CSMD2: variants seen among roughly 807,000 people sequenced by gnomAD.
CSMD2 encodes the protein CUB and Sushi multiple domains 2.
CSMD2 carries 130 observed loss-of-function variants against 398.5 expected under a neutral mutation model. The ratio of observed to expected loss-of-function variants is 0.33; its 90% CI spans 0.28 to 0.38. The LOEUF is 0.38. CSMD2 is among the 10% of genes least tolerant of loss of function. The pLI is 1.00. For synonymous variants in CSMD2, 1,828 were observed against 1,908.5 expected (o/e 0.96, Z 1.10); for missense variants, 3,829 against 4,764.9 (o/e 0.80, Z 5.78).
intron 12 of CSMD2, among the ~76,000 whole-genome samples, chr1:33,782,792 G>T (rs1321260677): frequency 6.6e-6 from 1 of 152,218 alleles, no homozygotes; most frequent in Non-Finnish European, 1.5e-5. Flanking sequence ...GTAGAAACCA[G>T]AACTTGGTGG....
chr1:34,073,867 G>A (rs1340627249), intron 2 of CSMD2, among the ~76,000 whole-genome samples: 2 of 152,202 alleles, frequency 1.3e-5, no homozygotes, highest in African/African-American at 4.8e-5. Context: ...CAGTCCCACT[G>A]GCTGCACAGG....
chr1:33,582,948 G>A (rs1263792671), intron 47 of CSMD2, among the ~76,000 whole-genome samples: 1 of 152,168 alleles, frequency 6.6e-6, no homozygotes, highest in African/African-American at 2.4e-5. Flanking sequence ...ATTCACATGA[G>A]GTAGACAACA....
intron 14 of CSMD2, among the ~76,000 whole-genome samples, chr1:33,739,743 A>G (rs1646996355): frequency 6.6e-6 from 1 of 152,154 alleles, no homozygotes; most frequent in Admixed American, 6.5e-5. Flanking sequence ...CCCTAACTTC[A>G]GACAGTTATG....
chr1:33,569,592 G>A, intron 51 of CSMD2, 45 bp from the exon 52 acceptor site: 1 of 1,583,834 alleles, frequency 6.3e-7, no homozygotes, highest in Non-Finnish European at 8.6e-7. Context: ...CCAAGAGGAG[G>A]GACATGGCTG....
chr1:33,807,843 AT>A (rs976339180), intron 10 of CSMD2, among the ~76,000 whole-genome samples: 1 of 152,152 alleles, frequency 6.6e-6, no homozygotes, highest in African/African-American at 2.4e-5. Flanking sequence ...TAAAAGACAA[AT>A]GGTCAGAGGG....
In CSMD2 at chr1:33,533,683, G is replaced by C. The variant is rs924184537; in HGVS notation, c.9991+113C>G. 1 of 686,946 alleles carries C rather than the reference G, an allele frequency of 1.5e-6. No individual in the cohort carries two copies. The allele number at this position is 686,946 out of a possible 1,614,324, so 42.6% of individuals were successfully genotyped here. A position where few individuals can be genotyped will look rare whatever the true frequency, so the allele number is the denominator to read the frequency against. ...TAAGGACTACAAAGAGACCGATGTC[G>C]GTTCGCATGGGGAGTTGTGAACTCC... On this transcript the variant is annotated intron_variant, in intron 63 of 70. Coordinates refer to ENST00000373381, the MANE Select transcript of CSMD2 (RefSeq NM_001281956.2). The surrounding 1 kb of genome is among the most constrained non-coding windows in gnomAD (Gnocchi z 4.2).
chr1:33,603,263 G>A (rs1318336642), intron 42 of CSMD2, among the ~76,000 whole-genome samples: 1 of 152,152 alleles, frequency 6.6e-6, no homozygotes, highest in African/African-American at 2.4e-5. Context: ...TTCCCCAAAA[G>A]CAATACTCAA....
At chr1:33,964,354 G>A (rs948582579) in intron 3 of CSMD2, among the ~76,000 whole-genome samples, 1 of 152,176 alleles carries the variant, frequency 6.6e-6, no homozygotes, top group Non-Finnish European at 1.5e-5. Context: ...ATCAGCCCCT[G>A]GCACATGATC....
chr1:33,523,346 C>G lies in CSMD2; in HGVS notation c.10470G>C (p.Met3490Ile), dbSNP rs1207178180. 6.2e-7 allele frequency: 1 copy of G among 1,600,036 alleles called. No homozygotes were observed. Among genetic ancestry groups the G allele is most frequent in the East Asian group, 2.2e-5 (1 of 44,798 alleles). The change falls in exon 67 of 71, where the codon ATG becomes ATC. Residue 3490 changes from methionine to isoleucine, a missense_variant. Coordinates refer to ENST00000373381, the MANE Select transcript of CSMD2 (RefSeq NM_001281956.2). ...YQITGPVEIF[M>I]NKFKDDHWAL... ...CCCAGTGATCATCTTTGAACTTATT[C>G]ATAAAGATCTCCACAGGCCCTGTAA... is the stretch of plus-strand genomic sequence containing the variant.
intron 19 of CSMD2, 91 bp downstream of exon 19, chr1:33,724,093 AGGTCACTATCTAG>A (rs1169728591): frequency 2.7e-6 from 2 of 753,510 alleles, no homozygotes; most frequent in African/African-American, 3.5e-5. Flanking sequence ...CGAAGCCCAG[AGGTCACTATCTAG>A]GGAGATCCCC....
At chr1:34,043,458 C>T (rs1349503404) in intron 2 of CSMD2, among the ~76,000 whole-genome samples, 1 of 152,188 alleles carries the variant, frequency 6.6e-6, no homozygotes, top group African/African-American at 2.4e-5. Context: ...TAACATTCAT[C>T]CCAATGATCA....
chr1:33,642,109 G>A (rs1643141451), intron 29 of CSMD2, among the ~76,000 whole-genome samples: 1 of 152,060 alleles, frequency 6.6e-6, no homozygotes, highest in African/African-American at 2.4e-5. Flanking sequence ...CACTTTGGGA[G>A]GCCAAGGTGG....
intron 7 of CSMD2, among the ~76,000 whole-genome samples, chr1:33,824,567 A>G (rs957903230): frequency 2.6e-5 from 4 of 152,108 alleles, no homozygotes; most frequent in African/African-American, 9.7e-5. Flanking sequence ...GGCCACACAC[A>G]TCGGCACAGA....
chr1:33,688,135 G>C (rs1445026695), intron 25 of CSMD2, among the ~76,000 whole-genome samples: 1 of 152,196 alleles, frequency 6.6e-6, no homozygotes, highest in Non-Finnish European at 1.5e-5. Flanking sequence ...TCAGGAATAA[G>C]AATGTTGGAG....
chr1:33,985,077 G>A (rs1480465434), intron 3 of CSMD2, among the ~76,000 whole-genome samples: 2 of 152,180 alleles, frequency 1.3e-5, no homozygotes, highest in Non-Finnish European at 2.9e-5. Context: ...ATGGACCTCA[G>A]AATCCATCAT....
Position 34,124,947 on chromosome 1 carries a change from G to A in CSMD2, c.188-35754C>T, listed in dbSNP as rs12080642. Among the ~76,000 whole-genome samples the A allele has an allele frequency of 1.8e-3, 272 of 152,270 alleles. 1 individual carries two copies. The highest frequency in any genetic ancestry group is 6.2e-3 in the African/African-American group (256 of 41,542). On this transcript the variant is annotated intron_variant, in intron 1 of 70. Transcript: ENST00000373381. ...CAATGCCCCCTCCCCATAAATCTAT[G>A]TCTACTTCCATGACTTCGATTCAGT...
intron 5 of CSMD2, among the ~76,000 whole-genome samples, chr1:33,892,713 C>G (rs56079343): frequency 0.34 from 52,298 of 152,156 alleles, 10,641 homozygotes; most frequent in East Asian, 0.58. Flanking sequence ...TCTTTATCCA[C>G]TCATTGGTTG....
At chr1:33,760,165 C>A (rs908364687) in intron 13 of CSMD2, among the ~76,000 whole-genome samples, 3 of 152,234 alleles carry the variant, frequency 2.0e-5, no homozygotes, top group African/African-American at 7.2e-5. Context: ...GTGGCCATGA[C>A]TGATTCTTGC....
At chr1:33,790,923 G>A (rs1654230636) in intron 11 of CSMD2, among the ~76,000 whole-genome samples, 1 of 152,098 alleles carries the variant, frequency 6.6e-6, no homozygotes, top group African/African-American at 2.4e-5. Context: ...TAGGCATGGG[G>A]GAGAATGCCC....
Sources: gnomAD v4.1 joint callset for allele counts (sites outside exome capture counted in the v4.1 genomes callset) on GRCh38, gnomAD v4.1.1 for gene constraint, Gnocchi (gnomAD v3.1) non-coding constraint, MANE v1.5 for transcripts, NCBI Gene and HGNC (gene_info 2026-07-23, HGNC 2026-07-21) for gene names.